UNC13C: variants seen among roughly 807,000 people sequenced by gnomAD.
UNC13C encodes the protein unc-13 homolog C.
In UNC13C, 174 loss-of-function variants were observed where a neutral mutation model predicts 245.4. That is an observed-to-expected ratio of 0.71 (90% CI 0.63 to 0.80). UNC13C has a LOEUF of 0.80. Among genes scored for constraint, UNC13C ranks in the 30% least tolerant of loss-of-function variants. The pLI, the probability that UNC13C is intolerant of heterozygous loss-of-function variation, is 0.00. For missense variants in UNC13C, 2,829 were observed against 2,602.9 expected, an observed-to-expected ratio of 1.09 and a Z score of -1.89; for synonymous variants, 992 against 895.1, an observed-to-expected ratio of 1.11 and a Z score of -1.93.
chr15:53,929,554 T>C, the UNC13C span, among the ~76,000 whole-genome samples: 11 of 151,310 alleles, frequency 7.3e-5, no homozygotes, highest in Admixed American at 4.6e-4. Flanking sequence ...TAGATCAGCT[T>C]AGACCTCAAT....
At chr15:54,486,442 GAAAAAAA>G (rs530405388) in intron 19 of UNC13C, among the ~76,000 whole-genome samples, 1 of 84,782 alleles carries the variant, frequency 1.2e-5, no homozygotes, top group Non-Finnish European at 2.6e-5. Context: ...CCATCTCAAA[GAAAAAAA>G]AAAAAAGAAA....
At chr15:53,931,442 T>C in the UNC13C span, among the ~76,000 whole-genome samples, 1 of 152,196 alleles carries the variant, frequency 6.6e-6, no homozygotes, top group South Asian at 2.1e-4. Flanking sequence ...GTGCTGGGAT[T>C]ACAGCCGTGA....
intron 4 of UNC13C, among the ~76,000 whole-genome samples, chr15:54,155,152 C>G (rs1028103866): frequency 2.0e-5 from 3 of 152,186 alleles, no homozygotes; most frequent in Non-Finnish European, 4.4e-5. Context: ...TTCCTTGGGT[C>G]TTGTCTACAT....
intron 4 of UNC13C, among the ~76,000 whole-genome samples, chr15:54,197,386 C>T (rs1403424410): frequency 6.6e-6 from 1 of 151,846 alleles, no homozygotes; most frequent in Non-Finnish European, 1.5e-5. Flanking sequence ...TCACTTGAAC[C>T]CAGGAGGCGG....
chr15:54,137,796 A>G (rs1365785866), intron 2 of UNC13C, among the ~76,000 whole-genome samples: 1 of 151,354 alleles, frequency 6.6e-6, no homozygotes. Context: ...TATCTTTTCC[A>G]TTGTCATTGT....
Position 54,525,600 on chromosome 15 carries a change from G to T in UNC13C, c.5509G>T (p.Gly1837Trp). 6.2e-7 allele frequency: 1 copy of T among 1,613,024 alleles called. No homozygotes were observed. Among genetic ancestry groups the T allele is most frequent in the Non-Finnish European group, 8.5e-7 (1 of 1,179,538 alleles). The change falls in exon 25 of 33, where the codon GGG (glycine) becomes TGG (tryptophan). Residue 1837 changes from glycine (G) to tryptophan (W), a missense_variant. Gly to Trp is a radical substitution (Grantham distance 184, BLOSUM62 -2). Coordinates refer to ENST00000260323, the MANE Select transcript of UNC13C (RefSeq NM_001080534.3). ...AAAAGAACTTCAGGTTAAGCTCAGT[G>T]GGGTCCTGGATGAGCTCAGCGTCAC... ...ILKELQVKLS[G>W]VLDELSVTYG...
At chr15:54,238,551 A>G (rs1407006872) in intron 7 of UNC13C, among the ~76,000 whole-genome samples, 2 of 152,228 alleles carry the variant, frequency 1.3e-5, no homozygotes, top group Non-Finnish European at 2.9e-5. Context: ...TGAGAGGATT[A>G]GGAAGTAGAT....
At chr15:54,340,877 A>G (rs1408563557) in intron 17 of UNC13C, among the ~76,000 whole-genome samples, 1 of 152,184 alleles carries the variant, frequency 6.6e-6, no homozygotes, top group Non-Finnish European at 1.5e-5. Context: ...TGCTTTTGGC[A>G]GTATGGTCAT....
At chr15:54,137,161 G>C (rs2031780470) in intron 2 of UNC13C, among the ~76,000 whole-genome samples, 1 of 152,150 alleles carries the variant, frequency 6.6e-6, no homozygotes, top group African/African-American at 2.4e-5. Flanking sequence ...TTATTGATTT[G>C]CATTCCTTGA....
intron 26 of UNC13C, among the ~76,000 whole-genome samples, chr15:54,543,927 C>G (rs537458127): frequency 7.5e-4 from 114 of 152,258 alleles, no homozygotes; most frequent in African/African-American, 2.6e-3. Context: ...AAGAGGGACT[C>G]ATCCTTAACT....
chr15:53,885,676 A>G, the UNC13C span, among the ~76,000 whole-genome samples: 12 of 152,308 alleles, frequency 7.9e-5, no homozygotes, highest in African/African-American at 2.9e-4. Flanking sequence ...CTGTCCTTAT[A>G]GGAGAATCGA....
chr15:54,116,085 T>A (rs2141184451), intron 2 of UNC13C, among the ~76,000 whole-genome samples: 1 of 152,282 alleles, frequency 6.6e-6, no homozygotes, highest in South Asian at 2.1e-4. Flanking sequence ...TACATTTATA[T>A]TCTTTTTTCT....
At chr15:54,194,352 T>C (rs2034284531) in intron 4 of UNC13C, among the ~76,000 whole-genome samples, 1 of 152,144 alleles carries the variant, frequency 6.6e-6, no homozygotes, top group African/African-American at 2.4e-5. Context: ...AGTGATTTCT[T>C]GTGTGTGGTA....
At chr15:53,920,113 T>C in the UNC13C span, among the ~76,000 whole-genome samples, 2 of 152,326 alleles carry the variant, frequency 1.3e-5, no homozygotes, top group East Asian at 3.9e-4. Context: ...ATCATTTCAA[T>C]GTATAGATAA....
intron 2 of UNC13C, among the ~76,000 whole-genome samples, chr15:54,097,523 T>C (rs1899933697): frequency 6.6e-6 from 1 of 152,218 alleles, no homozygotes; most frequent in Non-Finnish European, 1.5e-5. Flanking sequence ...AATTTATTTC[T>C]CCTTTAACTT....
chr15:54,099,662 T>A (rs1595853700), intron 2 of UNC13C, among the ~76,000 whole-genome samples: 2 of 152,208 alleles, frequency 1.3e-5, no homozygotes, highest in East Asian at 3.9e-4. Context: ...TGTACTCGAA[T>A]ATTCCCCCTT....
the UNC13C span, among the ~76,000 whole-genome samples, chr15:53,951,130 G>C: frequency 6.6e-5 from 10 of 152,122 alleles, no homozygotes; most frequent in Admixed American, 5.9e-4. Context: ...TTTTAAAAAT[G>C]ATGATTTATA....
intron 8 of UNC13C, among the ~76,000 whole-genome samples, chr15:54,256,936 G>A (rs2036294503): frequency 6.6e-6 from 1 of 152,186 alleles, no homozygotes; most frequent in Non-Finnish European, 1.5e-5. Context: ...GTTGCAGGGT[G>A]ACCACGTCTA....
intron 17 of UNC13C, among the ~76,000 whole-genome samples, chr15:54,361,914 T>C (rs560117397): frequency 2.6e-4 from 40 of 151,940 alleles, no homozygotes; most frequent in Non-Finnish European, 4.4e-4. Context: ...GCTATTTTTT[T>C]CTAGTCTGAT....
Sources: allele counts gnomAD v4.1 joint callset (sites outside exome capture counted in the v4.1 genomes callset), GRCh38; gene constraint gnomAD v4.1.1; transcripts MANE v1.5; gene names NCBI Gene and HGNC (gene_info 2026-07-23, HGNC 2026-07-21).